The following PIGK variants were observed in gnomAD, a reference collection of about 807,000 sequenced individuals.
The protein encoded by PIGK is GPI-anchor transamidase.
In PIGK, 42 loss-of-function variants were observed where a neutral mutation model predicts 50.6. That is an observed-to-expected ratio of 0.83 (90% confidence interval 0.65 to 1.07). The LOEUF (loss-of-function observed/expected upper bound fraction) is 1.07. Among genes scored for constraint, PIGK ranks in the 50% least tolerant of loss-of-function variants. The probability of loss-of-function intolerance (pLI) is 0.00; values close to 1 mark genes in which losing one functional copy is unlikely to be tolerated. For synonymous variants in PIGK, 151 were observed against 156.0 expected (o/e 0.97, Z 0.24); for missense variants, 448 against 488.7 (o/e 0.92, Z 0.78).
At chr1:77,137,599 GTATTT>G (rs1654550311) in intron 9 of PIGK, among the ~76,000 whole-genome samples, 1 of 151,074 alleles carries the variant, frequency 6.6e-6, no homozygotes, top group African/African-American at 2.4e-5. Flanking sequence ...TCTTTTATTT[GTATTT>G]TATTTTATTT....
chr1:77,159,970 C>T (rs1365734055), intron 8 of PIGK, among the ~76,000 whole-genome samples: 1 of 152,012 alleles, frequency 6.6e-6, no homozygotes, highest in Non-Finnish European at 1.5e-5. Context: ...CTGGGAGGGG[C>T]CAGAGGCAGA....
At chr1:77,128,095 A>T (rs4509622) in intron 9 of PIGK, among the ~76,000 whole-genome samples, 4 of 152,000 alleles carry the variant, frequency 2.6e-5, no homozygotes, top group Non-Finnish European at 5.9e-5. Context: ...GTGAAAACAG[A>T]TTATACAGCA....
chr1:77,149,538 A>G (rs1337729706), intron 9 of PIGK, among the ~76,000 whole-genome samples: 1 of 152,222 alleles, frequency 6.6e-6, no homozygotes, highest in Non-Finnish European at 1.5e-5. Flanking sequence ...GAGTCAATTT[A>G]GCAAGAGAAT....
intron 9 of PIGK, among the ~76,000 whole-genome samples, chr1:77,151,945 A>G (rs112410145): frequency 3.3e-5 from 5 of 152,178 alleles, no homozygotes; most frequent in African/African-American, 1.2e-4. Flanking sequence ...ATCTATACAT[A>G]TGCAATAATC....
intron 3 of PIGK, among the ~76,000 whole-genome samples, chr1:77,179,061 T>C (rs1456767895): frequency 6.6e-6 from 1 of 152,206 alleles, no homozygotes; most frequent in Non-Finnish European, 1.5e-5. Context: ...TTGTGCTAAA[T>C]GGGACAATAA....
At position 77,123,562 on chromosome 1, in the gene PIGK, G is replaced by GA. The variant is rs376448397; in HGVS notation, c.987-1204dup. Among the ~76,000 whole-genome samples the GA allele has an allele frequency of 5.2e-3, 771 of 147,648 alleles. 4 individuals carry two copies. The highest frequency in any genetic ancestry group is 8.0e-3 in the Non-Finnish European group (531 of 66,554). On this transcript the variant is annotated intron_variant, in intron 9 of 10. Coordinates refer to ENST00000370812, the MANE Select transcript of PIGK (RefSeq NM_005482.3). ...ACTCTGAAGATTCTCACTAATGATG[G>GA]AAAAAAAAAACTGCCTCAAAACATG...
intron 3 of PIGK, among the ~76,000 whole-genome samples, chr1:77,171,159 A>G (rs2247900): frequency 0.99 from 150,535 of 152,202 alleles, 74,460 homozygotes; most frequent in Middle Eastern, 1. Context: ...ATTTCTGGCC[A>G]GGCACAGTGG....
chr1:77,172,918 C>T lies in PIGK; in HGVS notation c.240-3523G>A, dbSNP rs181735977. Among the ~76,000 whole-genome samples the T allele has an allele frequency of 1.4e-3, 213 of 152,040 alleles. 1 individual carries two copies. The highest frequency in any genetic ancestry group is 4.7e-3 in the African/African-American group (197 of 41,478). On this transcript the variant is annotated intron_variant, in intron 3 of 10. Coordinates refer to ENST00000370812, the MANE Select transcript of PIGK (RefSeq NM_005482.3). Reference sequence around the variant, plus strand: ...CAGCCTGGGCGACAGAGCGAGACTCCGCCTCAGAAAAAAATAATAATAATA... The same window carrying T: ...CAGCCTGGGCGACAGAGCGAGACTCTGCCTCAGAAAAAAATAATAATAATA...
intron 3 of PIGK, among the ~76,000 whole-genome samples, chr1:77,193,214 T>A (rs1204757751): frequency 6.6e-6 from 1 of 151,358 alleles, no homozygotes; most frequent in Non-Finnish European, 1.5e-5. Context: ...ACAGTTTCCA[T>A]CAGACTGTTA....
intron 9 of PIGK, chr1:77,153,432 A>T (rs1228904193): frequency 6.6e-6 from 1 of 152,162 alleles, no homozygotes; most frequent in Non-Finnish European, 1.5e-5. Context: ...AGTATTTGAC[A>T]GAATAGTAGG....
chr1:77,120,807 T>C (rs1654079683), intron 10 of PIGK, among the ~76,000 whole-genome samples: 1 of 152,234 alleles, frequency 6.6e-6, no homozygotes, highest in African/African-American at 2.4e-5. Flanking sequence ...AATCAAGTGC[T>C]ACTGAATTTT....
intron 9 of PIGK, among the ~76,000 whole-genome samples, chr1:77,144,459 GT>G: frequency 6.6e-6 from 1 of 151,944 alleles, no homozygotes; most frequent in East Asian, 1.9e-4. Context: ...TGCATTTAGT[GT>G]TTAAATTAAA....
rs189267255 is a variant in PIGK at position 77,198,636 on chromosome 1, C to A, written c.239+8004G>T. Reference sequence around the variant, plus strand: ...TAGAAAATGTATTTTTGGAAAGGTACCATTTACAATAATAACAAAAAATAA... The same window carrying A: ...TAGAAAATGTATTTTTGGAAAGGTAACATTTACAATAATAACAAAAAATAA... On this transcript the variant is annotated intron_variant, in intron 3 of 10. Coordinates refer to ENST00000370812, the MANE Select transcript of PIGK (RefSeq NM_005482.3). 3.8e-3 allele frequency among the ~76,000 whole-genome samples: 572 copies of A among 151,786 alleles called. 5 individuals are homozygous for A. Among genetic ancestry groups the A allele is most frequent in the African/African-American group, 0.013 (542 of 41,450 alleles).
At chr1:77,210,587 T>A in intron 1 of PIGK, 98 bp from the exon 2 acceptor site, 1 of 654,724 alleles carries the variant, frequency 1.5e-6, no homozygotes, top group South Asian at 2.1e-5. Flanking sequence ...ACAGTTGTAA[T>A]AACAATCATC....
At chr1:77,215,702 ATG>A (rs1656543014) in intron 1 of PIGK, among the ~76,000 whole-genome samples, 1 of 152,106 alleles carries the variant, frequency 6.6e-6, no homozygotes, top group Non-Finnish European at 1.5e-5. Flanking sequence ...GATAAAGCAA[ATG>A]TGTGTGTGTG....
chr1:77,192,653 G>A lies in PIGK; in HGVS notation c.239+13987C>T, dbSNP rs142653188. On this transcript the variant is annotated intron_variant, in intron 3 of 10. Transcript: ENST00000370812. Reference sequence around the variant, plus strand: ...AGATAACCACATTAAAAATAAAAGAGAAGGCAGAGTTCTGGATAAGAAACT... The same window carrying A: ...AGATAACCACATTAAAAATAAAAGAAAAGGCAGAGTTCTGGATAAGAAACT... Among the ~76,000 whole-genome samples, 17 of 152,146 alleles carry A rather than the reference G, an allele frequency of 1.1e-4. No individual in the cohort carries two copies. The East Asian group carries it at 3.1e-3, about 28-fold the overall frequency.
intron 3 of PIGK, among the ~76,000 whole-genome samples, chr1:77,180,224 C>T (rs1227627293): frequency 6.6e-6 from 1 of 152,130 alleles, no homozygotes; most frequent in African/African-American, 2.4e-5. Flanking sequence ...CAAGCCCCTG[C>T]AAAACCTATT....
At chr1:77,162,607 T>C (rs970223935) in intron 6 of PIGK, among the ~76,000 whole-genome samples, 7 of 152,150 alleles carry the variant, frequency 4.6e-5, no homozygotes, top group African/African-American at 1.2e-4. Flanking sequence ...CAGGTATCCA[T>C]TGCACAATAA....
intron 9 of PIGK, among the ~76,000 whole-genome samples, chr1:77,152,112 G>A (rs1210463563): frequency 6.6e-6 from 1 of 152,014 alleles, no homozygotes; most frequent in Non-Finnish European, 1.5e-5. Flanking sequence ...ATACTACATA[G>A]CTACAGTAAT....
Sources: gnomAD v4.1 joint callset for allele counts (sites outside exome capture counted in the v4.1 genomes callset) on GRCh38, gnomAD v4.1.1 for gene constraint, MANE v1.5 for transcripts, NCBI Gene and HGNC (gene_info 2026-07-23, HGNC 2026-07-21) for gene names.